Variants in WNT5B observed in about 807,000 individuals in gnomAD.
The protein encoded by WNT5B is Wnt family member 5B.
In WNT5B, 18 loss-of-function variants were observed where a neutral mutation model predicts 36.5. That is an observed-to-expected ratio of 0.49 (90% CI 0.34 to 0.73). WNT5B has a LOEUF of 0.73. WNT5B is among the 30% of genes least tolerant of loss of function. The pLI, the probability that WNT5B is intolerant of heterozygous loss-of-function variation, is 0.01. For missense variants in WNT5B, 424 were observed against 508.4 expected, an observed-to-expected ratio of 0.83 and a Z score of 1.60; for synonymous variants, 213 against 212.3, an observed-to-expected ratio of 1.00 and a Z score of -0.03.
At chr12:1,623,110 G>A (rs769086518) in intron 1 of WNT5B, among the ~76,000 whole-genome samples, 8 of 151,796 alleles carry the variant, frequency 5.3e-5, no homozygotes, top group Non-Finnish European at 1.2e-4. Flanking sequence ...GCCAGATTCT[G>A]GAAGGCGTCA....
chr12:1,639,340 G>GTGT (rs2094568901), intron 3 of WNT5B, among the ~76,000 whole-genome samples: 1 of 152,102 alleles, frequency 6.6e-6, no homozygotes, highest in Non-Finnish European at 1.5e-5. Context: ...AGGTTTCACC[G>GTGT]TGTTGGCCAG....
chr12:1,640,185 T>G (rs190288220), intron 4 of WNT5B, among the ~76,000 whole-genome samples: 1 of 152,330 alleles, frequency 6.6e-6, no homozygotes, highest in Admixed American at 6.5e-5. Context: ...GCTTTTTCTT[T>G]TCTTTTCTTC....
Position 1,639,788 on chromosome 12 carries a change from C to CAA in WNT5B, c.433_434insAA (p.Arg145GlnfsTer54). 4 of 1,611,220 alleles carry CAA rather than the reference C, an allele frequency of 2.5e-6. No homozygotes were observed. The highest frequency in any genetic ancestry group is 3.4e-6 in the Non-Finnish European group (4 of 1,178,774). ...CGAGCTCTCCACCTGCGGCTGCAGC[C>CAA]GGACGGCGCGGCCCAAGGACCTGCC... On this transcript the variant is annotated frameshift_variant, in exon 4 of 5. Transcript: ENST00000397196. LOFTEE classifies it high-confidence loss of function.
upstream of WNT5B, among the ~76,000 whole-genome samples, chr12:1,627,714 G>A (rs1173719370): frequency 1.3e-5 from 2 of 152,294 alleles, no homozygotes; most frequent in East Asian, 1.9e-4. This position sits in a 1 kb window ranked among gnomAD's most constrained non-coding sequence, Gnocchi z 5.0. Context: ...ATGTGCTCTA[G>A]AGGGGGTCTT....
chr12:1,621,803 C>T (rs2094534163), intron 1 of WNT5B, among the ~76,000 whole-genome samples: 1 of 151,946 alleles, frequency 6.6e-6, no homozygotes, highest in Non-Finnish European at 1.5e-5. Flanking sequence ...TCCCGGCCTC[C>T]CAAAGTGCTG....
chr12:1,620,102 C>T (rs774084835), intron 1 of WNT5B, among the ~76,000 whole-genome samples: 3 of 152,076 alleles, frequency 2.0e-5, no homozygotes, highest in Non-Finnish European at 4.4e-5. Flanking sequence ...ATAATACATG[C>T]ACAACTTAAT....
At chr12:1,636,001 C>T (rs1164899068) in intron 3 of WNT5B, among the ~76,000 whole-genome samples, 1 of 152,136 alleles carries the variant, frequency 6.6e-6, no homozygotes, top group Non-Finnish European at 1.5e-5. Flanking sequence ...TTCTCTAGAC[C>T]TCTCGGTTGA....
chr12:1,637,933 C>T (rs1249527903), intron 3 of WNT5B, among the ~76,000 whole-genome samples: 1 of 151,990 alleles, frequency 6.6e-6, no homozygotes, highest in Non-Finnish European at 1.5e-5. Flanking sequence ...AGCAGGGTTG[C>T]CACAAACCTT....
At chr12:1,625,979 C>CTT (rs547219559), upstream of WNT5B, among the ~76,000 whole-genome samples, 723 of 134,392 alleles carry the variant, frequency 5.4e-3, 7 homozygotes, top group African/African-American at 0.014. Flanking sequence ...TTTTCTCTCT[C>CTT]TTTTTTTTTT....
At chr12:1,638,913 A>G (rs2094567340) in intron 3 of WNT5B, among the ~76,000 whole-genome samples, 1 of 152,160 alleles carries the variant, frequency 6.6e-6, no homozygotes, top group Admixed American at 6.5e-5. Context: ...GAGCGTGAGA[A>G]ATGGCATCTG....
chr12:1,628,920 TGTG>T (rs534379382), upstream of WNT5B, among the ~76,000 whole-genome samples: 31 of 147,446 alleles, frequency 2.1e-4, 1 homozygote, highest in African/African-American at 2.9e-4. Flanking sequence ...GTGTGTGTGT[TGTG>T]TGTGTGTGTG....
chr12:1,618,226 G>T lies in WNT5B; in HGVS notation c.-58+1083G>T, dbSNP rs1007741981. On this transcript the variant is annotated intron_variant, in intron 1 of 4. Transcript: ENST00000310594. The surrounding 1 kb of genome is among the most constrained non-coding windows in gnomAD (Gnocchi z 4.1). ...GTTTCCCCAGGTCCTTTAAAAATACGCTCCATTTTGCAAACACAGTAGTAC... is the reference window on the plus strand; with the variant it reads ...GTTTCCCCAGGTCCTTTAAAAATACTCTCCATTTTGCAAACACAGTAGTAC... Among the ~76,000 whole-genome samples the T allele has an allele frequency of 6.6e-6, 1 of 152,124 alleles. No homozygotes were observed. Among genetic ancestry groups the T allele is most frequent in the African/African-American group, 2.4e-5 (1 of 41,414 alleles).
chr12:1,632,597 T>C lies in WNT5B; in HGVS notation c.81-61T>C. On this transcript the variant is annotated intron_variant, in intron 2 of 4. Transcript: ENST00000397196. The surrounding 1 kb of genome is among the most constrained non-coding windows in gnomAD (Gnocchi z 5.8). ...ATGTGTTGAATGAATGACTTAATGC[T>C]GCACACAGGCGTATGCTCACTCCTG... The C allele has an allele frequency of 1.3e-6, 2 of 1,535,018 alleles. No homozygotes were observed. Among genetic ancestry groups the C allele is most frequent in the East Asian group, 2.3e-5 (1 of 43,852 alleles).
upstream of WNT5B, among the ~76,000 whole-genome samples, chr12:1,625,544 C>T (rs1240191588): frequency 6.6e-6 from 1 of 152,248 alleles, no homozygotes; most frequent in Non-Finnish European, 1.5e-5. Context: ...GCCCCTCCTT[C>T]AACAGCAATG....
chr12:1,639,848 G>T lies in WNT5B; in HGVS notation c.493G>T (p.Val165Leu). The T allele has an allele frequency of 6.2e-7, 1 of 1,613,964 alleles. No individual in the cohort carries two copies. The highest frequency in any genetic ancestry group is 8.5e-7 in the Non-Finnish European group (1 of 1,179,926). Reference sequence around the variant, plus strand: ...GCTGTGGGGCGGCTGTGGGGACAACGTGGAGTACGGCTACCGCTTCGCCAA... The same window carrying T: ...GCTGTGGGGCGGCTGTGGGGACAACTTGGAGTACGGCTACCGCTTCGCCAA... ...DWLWGGCGDN[V>L]EYGYRFAKEF... The change falls in exon 4 of 5, where the codon GTG becomes TTG. Residue 165 changes from valine (V) to leucine (L), a missense_variant. Val to Leu is a conservative substitution (Grantham distance 32). Coordinates refer to ENST00000397196, the MANE Select transcript of WNT5B (RefSeq NM_032642.3).
intron 4 of WNT5B, among the ~76,000 whole-genome samples, chr12:1,642,588 G>A (rs1301369174): frequency 6.6e-6 from 1 of 152,194 alleles, no homozygotes; most frequent in African/African-American, 2.4e-5. Context: ...GGAGAGGTCA[G>A]ATTCACGGAG....
At chr12:1,643,525 CTGG>C in intron 4 of WNT5B, among the ~76,000 whole-genome samples, 2 of 152,124 alleles carry the variant, frequency 1.3e-5, no homozygotes, top group Admixed American at 1.3e-4. Context: ...GCCACCACGC[CTGG>C]GCTAATTTTG....
At chr12:1,638,403 T>C (rs1203970238) in intron 3 of WNT5B, among the ~76,000 whole-genome samples, 4 of 152,216 alleles carry the variant, frequency 2.6e-5, no homozygotes, top group Non-Finnish European at 5.9e-5. Context: ...AGCCTTAGAC[T>C]GCCAGACTGT....
At chr12:1,621,305 C>T (rs557770399) in intron 1 of WNT5B, among the ~76,000 whole-genome samples, 5 of 152,202 alleles carry the variant, frequency 3.3e-5, no homozygotes, top group East Asian at 1.9e-4. Flanking sequence ...ACAGAGAACA[C>T]GCATGATTGA....
Sources: allele counts gnomAD v4.1 joint callset (sites outside exome capture counted in the v4.1 genomes callset), GRCh38; gene constraint gnomAD v4.1.1; non-coding constraint Gnocchi (gnomAD v3.1); transcripts MANE v1.5; gene names NCBI Gene and HGNC (gene_info 2026-07-23, HGNC 2026-07-21).